Variants in JMJD1C observed in about 807,000 individuals in gnomAD.
JMJD1C encodes jumonji domain containing 1C.
Under a neutral mutation model 245.3 loss-of-function variants are expected in JMJD1C, and 31 were observed. The observed-to-expected ratio is 0.13, with a 90% CI of 0.09 to 0.17. The LOEUF (loss-of-function observed/expected upper bound fraction) is 0.17, where lower values mean the gene tolerates loss of function less well. Among genes scored for constraint, JMJD1C ranks in the 10% least tolerant of loss-of-function variants. The probability of loss-of-function intolerance (pLI) is 1.00; values close to 1 mark genes in which losing one functional copy is unlikely to be tolerated. For missense variants in JMJD1C, 2,691 were observed against 3,000.2 expected (o/e 0.90, Z 2.41); for synonymous variants, 1,057 against 1,017.4 (o/e 1.04, Z -0.74).
intron 2 of JMJD1C, among the ~76,000 whole-genome samples, chr10:63,268,059 C>G (rs1039692583): frequency 1.3e-5 from 2 of 151,520 alleles, no homozygotes; most frequent in African/African-American, 4.9e-5. Flanking sequence ...ATTCAAGGAG[C>G]TTATGTCTGC....
At chr10:63,282,862 G>GC (rs1467382310) in intron 2 of JMJD1C, among the ~76,000 whole-genome samples, 1 of 152,248 alleles carries the variant, frequency 6.6e-6, no homozygotes, top group African/African-American at 2.4e-5. Context: ...GACTACAGGC[G>GC]CGTGCCACCA....
chr10:63,200,349 T>C (rs1444321808), intron 11 of JMJD1C, 127 bp downstream of exon 11: 5 of 684,964 alleles, frequency 7.3e-6, no homozygotes, highest in African/African-American at 3.6e-5. Flanking sequence ...TCTTTTATAA[T>C]GTTTCCAAAA....
At chr10:63,411,905 ATTTTT>A (rs1174450794) in intron 1 of JMJD1C, among the ~76,000 whole-genome samples, 1 of 126,198 alleles carries the variant, frequency 7.9e-6, no homozygotes. Flanking sequence ...GCCTGGCCCA[ATTTTT>A]TTTTTTTTTT....
chr10:63,223,950 C>T (rs959219379), intron 3 of JMJD1C, among the ~76,000 whole-genome samples: 34 of 152,050 alleles, frequency 2.2e-4, no homozygotes, highest in African/African-American at 3.1e-4. Flanking sequence ...GACGGGGTTT[C>T]GCCATGTTGG....
intron 1 of JMJD1C, among the ~76,000 whole-genome samples, chr10:63,505,090 ATC>A (rs888208465): frequency 2.0e-5 from 3 of 152,176 alleles, no homozygotes; most frequent in Non-Finnish European, 4.4e-5. Flanking sequence ...AGGCAGGCGG[ATC>A]ACGAGGTCAG....
chr10:63,440,256 A>G (rs1010091564), intron 1 of JMJD1C, among the ~76,000 whole-genome samples: 18 of 151,502 alleles, frequency 1.2e-4, no homozygotes, highest in African/African-American at 4.1e-4. Context: ...AATCGCTTGA[A>G]CCTGGGAGAT....
intron 1 of JMJD1C, among the ~76,000 whole-genome samples, chr10:63,432,165 C>T (rs1175589041): frequency 1.3e-5 from 2 of 152,182 alleles, no homozygotes; most frequent in East Asian, 1.9e-4. Flanking sequence ...CACTACCATA[C>T]TAAAATCCCC....
chr10:63,200,712 T>C (rs879122201), intron 10 of JMJD1C, 35 bp from the exon 11 acceptor site: 3 of 1,581,136 alleles, frequency 1.9e-6, no homozygotes, highest in Non-Finnish European at 2.6e-6. Context: ...AGCAAGATTA[T>C]GCTTTGTAAA....
intron 2 of JMJD1C, among the ~76,000 whole-genome samples, chr10:63,271,659 C>A (rs543438694): frequency 6.6e-6 from 1 of 152,294 alleles, no homozygotes. Context: ...TCAAGCGATT[C>A]TCCTGCCTCA....
At chr10:63,335,173 T>C (rs555157202) in intron 2 of JMJD1C, among the ~76,000 whole-genome samples, 1 of 152,112 alleles carries the variant, frequency 6.6e-6, no homozygotes, top group Non-Finnish European at 1.5e-5. Context: ...AATGTTGCTA[T>C]CAGAGATTGT....
At chr10:63,459,307 A>G (rs1003955853) in intron 1 of JMJD1C, among the ~76,000 whole-genome samples, 2 of 152,234 alleles carry the variant, frequency 1.3e-5, no homozygotes, top group African/African-American at 4.8e-5. Flanking sequence ...ATTGCAGATA[A>G]AGAATAGTGG....
chr10:63,502,674 G>C (rs2133255240), intron 1 of JMJD1C, among the ~76,000 whole-genome samples: 1 of 147,994 alleles, frequency 6.8e-6, no homozygotes, highest in South Asian at 2.1e-4. Context: ...CCAGCTGCCA[G>C]CTCTTCAACT....
At chr10:63,258,294 G>T (rs1057006208) in intron 3 of JMJD1C, among the ~76,000 whole-genome samples, 2 of 152,198 alleles carry the variant, frequency 1.3e-5, no homozygotes, top group Non-Finnish European at 2.9e-5. Flanking sequence ...TGCTTGAACT[G>T]ATGTCAAAAT....
intron 1 of JMJD1C, among the ~76,000 whole-genome samples, chr10:63,417,613 T>C (rs1213091921): frequency 6.6e-6 from 1 of 152,166 alleles, no homozygotes; most frequent in African/African-American, 2.4e-5. Flanking sequence ...ACAGTAATCT[T>C]GTGCCTCATT....
intron 2 of JMJD1C, among the ~76,000 whole-genome samples, chr10:63,337,638 A>AGAAAAGAAAAGAAAAAGAAAAGAAAAG (rs1589518750): frequency 6.7e-6 from 1 of 150,206 alleles, no homozygotes; most frequent in Non-Finnish European, 1.5e-5. Context: ...AGAAAAGAAA[A>AGAAAAGAAAAGAAAAAGAAAAGAAAAG]AAAATCCGCT....
At chr10:63,488,086 G>A (rs887508751) in intron 1 of JMJD1C, among the ~76,000 whole-genome samples, 2 of 152,052 alleles carry the variant, frequency 1.3e-5, no homozygotes, top group African/African-American at 2.4e-5. Flanking sequence ...GAACCAAAAC[G>A]CAGGAGCCAT....
At chr10:63,181,442 G>C (rs1564560394) in intron 22 of JMJD1C, among the ~76,000 whole-genome samples, 1 of 152,098 alleles carries the variant, frequency 6.6e-6, no homozygotes, top group African/African-American at 2.4e-5. Flanking sequence ...TTGAAAGAAT[G>C]AATACAGAAG....
chr10:63,232,487 A>C (rs752360159), intron 3 of JMJD1C, among the ~76,000 whole-genome samples: 1 of 152,196 alleles, frequency 6.6e-6, no homozygotes, highest in Non-Finnish European at 1.5e-5. Context: ...GTATAGCTAA[A>C]ACCTGCAGCT....
chr10:63,373,605 T>C (rs565913623), intron 2 of JMJD1C, among the ~76,000 whole-genome samples: 2 of 152,208 alleles, frequency 1.3e-5, no homozygotes, highest in Admixed American at 1.3e-4. Context: ...AATACAAACA[T>C]GTTTAAATAC....
Sources: gnomAD v4.1 joint callset for allele counts (sites outside exome capture counted in the v4.1 genomes callset) on GRCh38, gnomAD v4.1.1 for gene constraint, MANE v1.5 for transcripts, NCBI Gene and HGNC (gene_info 2026-07-23, HGNC 2026-07-21) for gene names.